PLXNA2: variants seen among roughly 807,000 people sequenced by gnomAD.
The protein encoded by PLXNA2 is plexin A2, also known as plexin-A2.
Under a neutral mutation model 193.5 loss-of-function variants are expected in PLXNA2, and 91 were observed. The observed-to-expected ratio is 0.47, with a 90% CI of 0.40 to 0.56. The LOEUF is 0.56. Among genes scored for constraint, PLXNA2 ranks in the 20% least tolerant of loss-of-function variants. The pLI, the probability that PLXNA2 is intolerant of heterozygous loss-of-function variation, is 0.00. For missense variants in PLXNA2, 1,995 were observed against 2,503.2 expected (o/e 0.80, Z 4.33); for synonymous variants, 997 against 1,027.3 (o/e 0.97, Z 0.56).
At chr1:208,175,105 C>A (rs1046347169) in intron 3 of PLXNA2, among the ~76,000 whole-genome samples, 3 of 152,162 alleles carry the variant, frequency 2.0e-5, no homozygotes. Context: ...CAGCAGTGAG[C>A]AGACTGGCTG....
At position 208,043,163 on chromosome 1, in the gene PLXNA2, A is replaced by T; in HGVS notation, c.3915T>A (p.Ser1305Arg). 6.2e-7 allele frequency: 1 copy of T among 1,614,108 alleles called. No homozygotes were observed. Among genetic ancestry groups the T allele is most frequent in the Non-Finnish European group, 8.5e-7 (1 of 1,179,942 alleles). The change falls in exon 21 of 32, where the codon AGT becomes AGA. Residue 1305 changes from serine (S) to arginine (R), a missense_variant. Physicochemically the swap from Ser to Arg is moderately radical, Grantham distance 110. This residue lies in a region of PLXNA2 where 1,291 missense variants were observed against 1,673.6 expected (regional missense o/e 0.77). Coordinates refer to ENST00000367033, the MANE Select transcript of PLXNA2 (RefSeq NM_025179.4). ...ELQTDINELTSDLDRSGIPYL... is the reference protein window; with the variant it reads ...ELQTDINELTRDLDRSGIPYL... ...AAGGGATTCCTGAGCGGTCCAGGTC[A>T]CTGGTCAACTCATTGATATCCGTCT...
chr1:208,100,517 A>G (rs1269307078), intron 5 of PLXNA2, among the ~76,000 whole-genome samples: 7 of 152,042 alleles, frequency 4.6e-5, no homozygotes. Flanking sequence ...AATGATTCAT[A>G]TTATCATTTT....
rs1665015060 is a variant in PLXNA2, at chr1:208,045,114, G to A, written c.3592C>T (p.Gln1198Ter). 6.2e-7 allele frequency: 1 copy of A among 1,614,058 alleles called. No homozygotes were observed. Among genetic ancestry groups the A allele is most frequent in the African/African-American group, 1.3e-5 (1 of 74,922 alleles). ...TPCAVTVSET[Q>*]LLCEPPNLTG... ...AGGTTGGGAGGCTCGCAGAGAAGCT[G>A]GGTCTCAGATACGGTGACAGCACAA... Residue 1198 changes from glutamine (Q) to a stop codon, truncating the protein, a stop_gained, in exon 19 of 32, where the codon CAG becomes TAG. Coordinates refer to ENST00000367033, the MANE Select transcript of PLXNA2 (RefSeq NM_025179.4). LOFTEE classifies it high-confidence loss of function.
chr1:208,030,094 C>T (rs1007317897), intron 29 of PLXNA2: 42 of 985,364 alleles, frequency 4.3e-5, no homozygotes, highest in Non-Finnish European at 4.8e-5. Context: ...AGCCTCAAGC[C>T]CTTCCACGAT....
intron 4 of PLXNA2, among the ~76,000 whole-genome samples, chr1:208,122,255 C>A (rs1240110362): frequency 6.6e-6 from 1 of 152,148 alleles, no homozygotes; most frequent in Non-Finnish European, 1.5e-5. Context: ...CATCAAATTA[C>A]TTCTATTATA....
Position 208,045,938 on chromosome 1 carries a change from A to G in PLXNA2, c.3435T>C (p.Phe1145=), listed in dbSNP as rs771162917. 14 of 1,614,124 alleles carry G rather than the reference A, an allele frequency of 8.7e-6. No individual in the cohort carries two copies. In the South Asian group the frequency reaches 1.3e-4, roughly 15 times the overall value. ...AGACTCCAGTAGGGCTAAGCAGTTC[A>G]AAGGTCGGGTTGGGGTAGTAGATAA... ...TKFIYYPNPT[F]ELLSPTGVLD... is the part of the protein sequence containing the mutation. Residue 1145 remains phenylalanine, a synonymous_variant, in exon 18 of 32, where the codon TTT becomes TTC. Transcript: ENST00000367033.
Position 208,168,723 on chromosome 1 carries a change from G to GTTTTTTTTTTTTTTTTTTTTTTTTTTTTT in PLXNA2, c.1372-26261_1372-26260insAAAAAAAAAAAAAAAAAAAAAAAAAAAAA, listed in dbSNP as rs751893998. Among the ~76,000 whole-genome samples, 7 of 102,194 alleles carry GTTTTTTTTTTTTTTTTTTTTTTTTTTTTT rather than the reference G, an allele frequency of 6.8e-5. 3 individuals are homozygous for GTTTTTTTTTTTTTTTTTTTTTTTTTTTTT. Among genetic ancestry groups the GTTTTTTTTTTTTTTTTTTTTTTTTTTTTT allele is most frequent in the Non-Finnish European group, 7.5e-5 (4 of 53,430 alleles). The allele number at this position is 102,194 out of a possible 152,430, so 67.0% of individuals were successfully genotyped here. The stretch of plus-strand genomic sequence containing the variant: ...CAAAAAGAAGACAAAGAGTATGCGG[G>GTTTTTTTTTTTTTTTTTTTTTTTTTTTTT]GTTTTTTTTTTTTTTTTTTTTTTTT... On this transcript the variant is annotated intron_variant, in intron 3 of 31. Coordinates refer to ENST00000367033, the MANE Select transcript of PLXNA2 (RefSeq NM_025179.4).
rs185935516 is a variant in PLXNA2, at chr1:208,236,610, C to A, written c.-81+7033G>T. Among the ~76,000 whole-genome samples the A allele has an allele frequency of 6.6e-6, 1 of 152,190 alleles. No individual in the cohort carries two copies. Among genetic ancestry groups the A allele is most frequent in the South Asian group, 2.1e-4 (1 of 4,830 alleles). ...CAGAGCAATCACAATCCATAGGCTC[C>A]GCTGACATTCTGAGCTGTCCCTGGC... On this transcript the variant is annotated intron_variant, in intron 1 of 31. Transcript: ENST00000367033. The surrounding 1 kb of genome is among the most constrained non-coding windows in gnomAD (Gnocchi z 4.4).
rs756211780 is a variant in PLXNA2 at position 208,084,556 on chromosome 1, C to G, written c.2122G>C (p.Glu708Gln). 2.5e-6 allele frequency: 4 copies of G among 1,614,236 alleles called. No individual in the cohort carries two copies. The highest frequency in any genetic ancestry group is 3.4e-6 in the Non-Finnish European group (4 of 1,180,040). Residue 708 changes from glutamate (E) to glutamine (Q), a missense_variant, in exon 10 of 32, where the codon GAG (glutamate) becomes CAG (glutamine). Glu to Gln is a conservative substitution (Grantham distance 29). This residue lies in a region of PLXNA2 where 1,291 missense variants were observed against 1,673.6 expected (regional missense o/e 0.77). Coordinates refer to ENST00000367033, the MANE Select transcript of PLXNA2 (RefSeq NM_025179.4). ...SEDCPQLVPTEEILIPVGEVK... is the reference protein window; with the variant it reads ...SEDCPQLVPTQEILIPVGEVK... ...TCCCCGACTGGAATCAAGATCTCCT[C>G]TGTGGGCACCAGCTGGGGACAGTCC...
At chr1:208,237,243 G>A (rs989338347) in intron 1 of PLXNA2, among the ~76,000 whole-genome samples, 10 of 152,190 alleles carry the variant, frequency 6.6e-5, no homozygotes, top group Admixed American at 2.0e-4. Context: ...GAGGCAGCCC[G>A]AGGAGTGGAC....
chr1:208,206,245 C>T (rs1217818952), intron 3 of PLXNA2, among the ~76,000 whole-genome samples: 1 of 152,230 alleles, frequency 6.6e-6, no homozygotes, highest in Admixed American at 6.5e-5. Context: ...TTGCTTAACA[C>T]CCTCTTGCGA....
rs57420579 is a variant in PLXNA2, at chr1:208,046,797, AGTGTGTGTGTGTGT to A, written c.3256-694_3256-681del. On this transcript the variant is annotated intron_variant, in intron 17 of 31. Coordinates refer to ENST00000367033, the MANE Select transcript of PLXNA2 (RefSeq NM_025179.4). ...AGAAAAAAGTAGGACAGAACAGCATAGTGTGTGTGTGTGTGTGTGTGTGTGTGTGTGTGTGTGTG... is the reference window on the plus strand; with the variant it reads ...AGAAAAAAGTAGGACAGAACAGCATAGTGTGTGTGTGTGTGTGTGTGTGTG... 3.5e-3 allele frequency among the ~76,000 whole-genome samples: 455 copies of A among 129,680 alleles called. 2 individuals are homozygous for A. The highest frequency in any genetic ancestry group is 8.3e-3 in the Middle Eastern group (2 of 242). 85.1% of individuals were successfully genotyped at this position (129,680 alleles called of 152,430 possible). A position where few individuals can be genotyped will look rare whatever the true frequency, so the allele number is the denominator to read the frequency against.
chr1:208,206,766 G>GTTTT (rs896776741), intron 3 of PLXNA2, among the ~76,000 whole-genome samples: 10 of 116,754 alleles, frequency 8.6e-5, no homozygotes, highest in Admixed American at 2.9e-4. Flanking sequence ...GCACATATAG[G>GTTTT]TTTTTTTTTT....
chr1:208,074,650 A>G (rs1666088965), intron 12 of PLXNA2, among the ~76,000 whole-genome samples: 1 of 152,164 alleles, frequency 6.6e-6, no homozygotes, highest in Non-Finnish European at 1.5e-5. Context: ...GCGTGAGCCC[A>G]CTTCTTTTTC....
At chr1:208,148,145 G>A (rs531215305) in intron 3 of PLXNA2, among the ~76,000 whole-genome samples, 53 of 152,148 alleles carry the variant, frequency 3.5e-4, no homozygotes, top group African/African-American at 1.2e-3. Context: ...CAATTAACTC[G>A]CTTACCTGCA....
intron 3 of PLXNA2, among the ~76,000 whole-genome samples, chr1:208,179,798 A>G (rs1669778742): frequency 6.6e-6 from 1 of 152,192 alleles, no homozygotes; most frequent in South Asian, 2.1e-4. Flanking sequence ...CAGGGAAGCC[A>G]GAGCAGGGAT....
At chr1:208,029,640 G>A in intron 29 of PLXNA2, 1 of 987,318 alleles carries the variant, frequency 1.0e-6, no homozygotes, top group Non-Finnish European at 1.2e-6. Flanking sequence ...CAGGGGCAGA[G>A]GGAGAAGTGG....
At chr1:208,128,811 C>T (rs1668052893) in intron 4 of PLXNA2, among the ~76,000 whole-genome samples, 1 of 150,820 alleles carries the variant, frequency 6.6e-6, no homozygotes, top group Non-Finnish European at 1.5e-5. Context: ...ACACCATTCT[C>T]CTGCCTCAGC....
intron 3 of PLXNA2, among the ~76,000 whole-genome samples, chr1:208,174,521 G>A (rs947111882): frequency 6.6e-6 from 1 of 152,102 alleles, no homozygotes; most frequent in Admixed American, 6.5e-5. Context: ...CAGGCTGGAG[G>A]TGTGCAGGGA....
Sources: gnomAD v4.1 joint callset for allele counts (sites outside exome capture counted in the v4.1 genomes callset) on GRCh38, gnomAD v4.1.1 for gene constraint, gnomAD v4.1.1 regional missense constraint, Gnocchi (gnomAD v3.1) non-coding constraint, MANE v1.5 for transcripts, NCBI Gene and HGNC (gene_info 2026-07-23, HGNC 2026-07-21) for gene names.